Variants in TMEM229B observed in about 807,000 individuals in gnomAD.
TMEM229B encodes the protein transmembrane protein 229B, also known as chromosome 14 open reading frame 83.
In TMEM229B, 6 loss-of-function variants were observed where a neutral mutation model predicts 13.7. The ratio of observed to expected loss-of-function variants is 0.44; its 90% CI spans 0.24 to 0.86. The LOEUF (loss-of-function observed/expected upper bound fraction) is 0.86. Among genes scored for constraint, TMEM229B ranks in the 40% least tolerant of loss-of-function variants. TMEM229B has a pLI of 0.23. For synonymous variants in TMEM229B, 107 were observed against 102.1 expected (o/e 1.05, Z -0.29); for missense variants, 170 against 236.0 (o/e 0.72, Z 1.83).
At position 67,522,097 on chromosome 14, in the gene TMEM229B, C is replaced by T. The variant is rs59511653; in HGVS notation, c.-192+11539G>A. Among the ~76,000 whole-genome samples, 1,302 of 152,214 alleles carry T rather than the reference C, an allele frequency of 8.6e-3. 27 individuals are homozygous for T. Among genetic ancestry groups the T allele is most frequent in the African/African-American group, 0.03 (1,255 of 41,534 alleles). ...CTGAGGCAGGAGAATCGCTTGAACCCGGGAGGCGGAGGTTGCAGTGAGCTG... is the reference window on the plus strand; with the variant it reads ...CTGAGGCAGGAGAATCGCTTGAACCTGGGAGGCGGAGGTTGCAGTGAGCTG... On this transcript the variant is annotated intron_variant, in intron 1 of 2. Coordinates refer to the TMEM229B transcript ENST00000554278.
chr14:67,526,438 G>A (rs1263034195), intron 1 of TMEM229B, among the ~76,000 whole-genome samples: 5 of 152,272 alleles, frequency 3.3e-5, no homozygotes, highest in Non-Finnish European at 7.3e-5. Flanking sequence ...GCTTTGCACA[G>A]TAGGAAAAGG....
chr14:67,526,697 C>T (rs1481656911), intron 1 of TMEM229B, among the ~76,000 whole-genome samples: 1 of 152,158 alleles, frequency 6.6e-6, no homozygotes, highest in Non-Finnish European at 1.5e-5. Context: ...TCTGGCCCTA[C>T]ACCTGACTGG....
At chr14:67,483,982 G>C (rs944036290) in intron 2 of TMEM229B, among the ~76,000 whole-genome samples, 11 of 152,222 alleles carry the variant, frequency 7.2e-5, no homozygotes, top group African/African-American at 1.9e-4. Flanking sequence ...GAAAGCGAAG[G>C]ATGCCCTGCA....
rs555715850 is a variant in TMEM229B at position 67,496,391 on chromosome 14, G to GTTTTTTTTTTTTTTTTT, written c.-191-9236_-191-9220dup. Reference sequence around the variant, plus strand: ...TACAGGTGTGAGCCACTGCTCCGGCGTTTTTTTTTTTTTTTTTTTTTTTTT... The same window carrying GTTTTTTTTTTTTTTTTT: ...TACAGGTGTGAGCCACTGCTCCGGCGTTTTTTTTTTTTTTTTTTTTTTTTTTTTTTTTTTTTTTTTTT... On this transcript the variant is annotated intron_variant, in intron 1 of 2. Transcript: ENST00000357461. Among the ~76,000 whole-genome samples the GTTTTTTTTTTTTTTTTT allele has an allele frequency of 1.0e-4, 3 of 30,106 alleles. 1 individual carries two copies. Among genetic ancestry groups the GTTTTTTTTTTTTTTTTT allele is most frequent in the African/African-American group, 2.6e-4 (2 of 7,658 alleles). 19.8% of individuals were successfully genotyped at this position (30,106 alleles called of 152,430 possible). A position where few individuals can be genotyped will look rare whatever the true frequency, so the allele number is the denominator to read the frequency against.
rs1051066182 is a variant in TMEM229B at position 67,504,610 on chromosome 14, T to C, written c.-192+10476A>G. Among the ~76,000 whole-genome samples, 10 of 152,248 alleles carry C rather than the reference T, an allele frequency of 6.6e-5. No homozygotes were observed. In the South Asian group the frequency reaches 1.2e-3, roughly 19 times the overall value. The stretch of plus-strand genomic sequence containing the variant: ...AAAATAAATAAAAAACAATAGGCCA[T>C]GTGCGGTGGCTCACACCTGTAATCC... On this transcript the variant is annotated intron_variant, in intron 1 of 2. Transcript: ENST00000357461.
intron 1 of TMEM229B, among the ~76,000 whole-genome samples, chr14:67,498,256 C>T (rs4902475): frequency 0.031 from 4,747 of 152,200 alleles, 251 homozygotes; most frequent in East Asian, 0.22. Context: ...TTTGCCAAGA[C>T]GTTCTATAAG....
rs374796252 is a variant in TMEM229B at position 67,528,303 on chromosome 14, C to T, written c.-192+5333G>A. On this transcript the variant is annotated intron_variant, in intron 1 of 2. Transcript: ENST00000554278. ...CAGCATGAAAACCCATTGTCTACAG[C>T]GGCCACACATGTGTCCCAGAAAAGT... is the stretch of plus-strand genomic sequence containing the variant. Among the ~76,000 whole-genome samples the T allele has an allele frequency of 5.3e-5, 8 of 152,296 alleles. 1 individual carries two copies. Among genetic ancestry groups the T allele is most frequent in the South Asian group, 2.1e-4 (1 of 4,822 alleles).
At chr14:67,499,925 T>G (rs1594704180) in intron 1 of TMEM229B, among the ~76,000 whole-genome samples, 1 of 152,214 alleles carries the variant, frequency 6.6e-6, no homozygotes, top group East Asian at 1.9e-4. Context: ...GGGCTGCGGA[T>G]TAAGGAGGGG....
upstream of TMEM229B, among the ~76,000 whole-genome samples, chr14:67,490,891 G>T (rs190114887): frequency 6.8e-3 from 1,028 of 152,272 alleles, 9 homozygotes; most frequent in Non-Finnish European, 0.011. Context: ...TATGGGGTGG[G>T]CGTGGAGGGG....
chr14:67,510,396 T>C (rs776977435), intron 1 of TMEM229B, among the ~76,000 whole-genome samples: 3 of 152,170 alleles, frequency 2.0e-5, no homozygotes, highest in Non-Finnish European at 4.4e-5. Flanking sequence ...AGACGAATCA[T>C]TGCCCAATGA....
intron 1 of TMEM229B, among the ~76,000 whole-genome samples, chr14:67,505,787 A>G (rs896309545): frequency 2.2e-4 from 34 of 151,702 alleles, no homozygotes; most frequent in Admixed American, 2.0e-3. Context: ...GCTCACTGCA[A>G]CCTCTGCCTC....
chr14:67,496,400 T>TTTTTTG, intron 1 of TMEM229B, among the ~76,000 whole-genome samples: 2 of 123,166 alleles, frequency 1.6e-5, no homozygotes, highest in South Asian at 3.2e-4. Flanking sequence ...CGTTTTTTTT[T>TTTTTTG]TTTTTTTTTT....
intron 1 of TMEM229B, among the ~76,000 whole-genome samples, chr14:67,526,816 C>T (rs1471203347): frequency 5.3e-5 from 8 of 152,112 alleles, no homozygotes. Flanking sequence ...ATGTCCAGGG[C>T]TTCCATACTG....
At chr14:67,488,113 G>A (rs1031429537) in intron 1 of TMEM229B, among the ~76,000 whole-genome samples, 6 of 152,230 alleles carry the variant, frequency 3.9e-5, no homozygotes, top group Non-Finnish European at 5.9e-5. Flanking sequence ...CAGCCACTCA[G>A]AAGCTGAGAA....
intron 2 of TMEM229B, among the ~76,000 whole-genome samples, chr14:67,481,141 A>T (rs1392787004): frequency 1.3e-5 from 2 of 152,120 alleles, no homozygotes; most frequent in Non-Finnish European, 2.9e-5. Context: ...AAAGAAAAAA[A>T]AGTAGGCTGG....
In TMEM229B at chr14:67,473,399, G is replaced by A; in HGVS notation, c.*21C>T. On this transcript the variant is annotated 3_prime_UTR_variant, in exon 3 of 3. Transcript: ENST00000554480. This position sits in a 1 kb window ranked among gnomAD's most constrained non-coding sequence, Gnocchi z 6.5. ...CCATGAGTTCCATGAGAGATCCCCA[G>A]GCCCCCCACCCGCTTCCTGCTCAGT... 6.2e-7 allele frequency: 1 copy of A among 1,609,128 alleles called. No individual in the cohort carries two copies. The highest frequency in any genetic ancestry group is 8.5e-7 in the Non-Finnish European group (1 of 1,177,462).
chr14:67,514,447 G>A (rs1794943454), intron 1 of TMEM229B, among the ~76,000 whole-genome samples: 1 of 152,196 alleles, frequency 6.6e-6, no homozygotes, highest in African/African-American at 2.4e-5. Flanking sequence ...GTGAAGAGCT[G>A]GCAGCCAGGG....
rs370221581 is a variant in TMEM229B at position 67,495,753 on chromosome 14, G to A, written c.-191-8581C>T. Among the ~76,000 whole-genome samples, 467 of 152,144 alleles carry A rather than the reference G, an allele frequency of 3.1e-3. 1 individual carries two copies. Among genetic ancestry groups the A allele is most frequent in the Non-Finnish European group, 5.4e-3 (365 of 67,992 alleles). On this transcript the variant is annotated intron_variant, in intron 1 of 2. Transcript: ENST00000357461. ...CTCACCCCGGCCTCCCAAAGTGCTGGGATTACAGGCGTGAGCCACCATGCC... is the reference window on the plus strand; with the variant it reads ...CTCACCCCGGCCTCCCAAAGTGCTGAGATTACAGGCGTGAGCCACCATGCC...
intron 2 of TMEM229B, among the ~76,000 whole-genome samples, chr14:67,475,800 C>T (rs1216643209): frequency 6.6e-6 from 1 of 152,172 alleles, no homozygotes; most frequent in Non-Finnish European, 1.5e-5. Context: ...CTACTTTCTC[C>T]TCACCCTCCA....
Sources: gnomAD v4.1 joint callset for allele counts (sites outside exome capture counted in the v4.1 genomes callset) on GRCh38, gnomAD v4.1.1 for gene constraint, Gnocchi (gnomAD v3.1) non-coding constraint, MANE v1.5 for transcripts, NCBI Gene and HGNC (gene_info 2026-07-23, HGNC 2026-07-21) for gene names.